The following AP4S1 variants were observed in gnomAD, a reference collection of about 807,000 sequenced individuals.
AP4S1 encodes adaptor related protein complex 4 subunit sigma 1.
AP4S1 carries 23 observed loss-of-function variants against 19.8 expected under a neutral mutation model. That is an observed-to-expected ratio of 1.16 (90% CI 0.84 to 1.65). AP4S1 has a LOEUF of 1.65. AP4S1 is among the 40% of genes most tolerant of loss of function. The pLI is 0.00. For missense variants in AP4S1, 166 were observed against 172.8 expected (o/e 0.96, Z 0.22); for synonymous variants, 46 against 54.1 (o/e 0.85, Z 0.66).
intron 5 of AP4S1, among the ~76,000 whole-genome samples, chr14:31,090,200 G>C (rs1888040291): frequency 6.6e-6 from 1 of 152,048 alleles, no homozygotes. Context: ...TGGCCAGGCT[G>C]GTCTCGATCT....
intron 1 of AP4S1, among the ~76,000 whole-genome samples, chr14:31,035,193 C>CTTTTTT (rs11393950): frequency 7.7e-5 from 8 of 103,656 alleles, no homozygotes; most frequent in East Asian, 2.9e-4. Flanking sequence ...ATGGTAATTC[C>CTTTTTT]TTTTTTTTTT....
chr14:31,059,144 G>A (rs1355370017), intron 1 of AP4S1, among the ~76,000 whole-genome samples: 1 of 152,080 alleles, frequency 6.6e-6, no homozygotes, highest in Non-Finnish European at 1.5e-5. Context: ...TTACAGTTGT[G>A]TTTCTCTAGT....
intron 1 of AP4S1, among the ~76,000 whole-genome samples, chr14:31,062,579 G>A (rs1886497926): frequency 6.6e-6 from 1 of 152,160 alleles, no homozygotes; most frequent in Admixed American, 6.6e-5. Context: ...ATTCTCAGAG[G>A]GGTCTGTGTT....
intron 5 of AP4S1, among the ~76,000 whole-genome samples, chr14:31,087,212 T>C (rs1211411890): frequency 2.0e-5 from 3 of 152,000 alleles, no homozygotes; most frequent in African/African-American, 7.3e-5. Context: ...ACTTTTTAGA[T>C]AAAAAGGCTG....
intron 4 of AP4S1, among the ~76,000 whole-genome samples, chr14:31,079,606 C>T (rs1280742623): frequency 6.6e-6 from 1 of 152,088 alleles, no homozygotes; most frequent in Non-Finnish European, 1.5e-5. Context: ...AGGTGGATTG[C>T]TTGAGCTCAG....
At chr14:31,041,227 G>A (rs924140748) in intron 1 of AP4S1, among the ~76,000 whole-genome samples, 2 of 151,946 alleles carry the variant, frequency 1.3e-5, no homozygotes, top group Non-Finnish European at 2.9e-5. Context: ...TCTGCTCACT[G>A]CAACCTCCAC....
In AP4S1 at chr14:31,072,968, C is replaced by A. The variant is rs200440467; in HGVS notation, c.289C>A (p.Arg97=). 3 of 1,613,464 alleles carry A rather than the reference C, an allele frequency of 1.9e-6. No homozygotes were observed. Among genetic ancestry groups the A allele is most frequent in the Admixed American group, 1.7e-5 (1 of 60,006 alleles). Residue 97 remains arginine (R), a synonymous_variant, in exon 4 of 6, where the codon CGA becomes AGA. Coordinates refer to ENST00000542754, the MANE Select transcript of AP4S1 (RefSeq NM_001128126.3). ...FVEVLDEYFS[R]VSELDIMFNL... Reference sequence around the variant, plus strand: ...GGAAGTTTTAGATGAGTATTTCAGCCGAGTGGTAAGTCTAATGGCTAAAAA... The same window carrying A: ...GGAAGTTTTAGATGAGTATTTCAGCAGAGTGGTAAGTCTAATGGCTAAAAA...
chr14:31,039,566 AGTTTT>A (rs1366473442), intron 1 of AP4S1, among the ~76,000 whole-genome samples: 1 of 123,232 alleles, frequency 8.1e-6, no homozygotes, highest in Non-Finnish European at 1.8e-5. Context: ...CAATAGGTGT[AGTTTT>A]GTTTTTTTTT....
intron 1 of AP4S1, among the ~76,000 whole-genome samples, chr14:31,054,883 A>AAC (rs1322866014): frequency 6.8e-6 from 1 of 148,120 alleles, no homozygotes; most frequent in Non-Finnish European, 1.5e-5. Flanking sequence ...AAAAAAAAAA[A>AAC]AAAAAAAAAA....
At chr14:31,042,900 G>A (rs1015524607) in intron 1 of AP4S1, among the ~76,000 whole-genome samples, 46 of 152,116 alleles carry the variant, frequency 3.0e-4, no homozygotes, top group Non-Finnish European at 2.8e-4. Context: ...AGATCTGAGA[G>A]CCATATGAAG....
chr14:31,080,950 C>T (rs1175136934), intron 5 of AP4S1, among the ~76,000 whole-genome samples: 2 of 152,108 alleles, frequency 1.3e-5, no homozygotes, highest in African/African-American at 4.8e-5. Flanking sequence ...CACCACCACG[C>T]CCAGCTAATG....
At chr14:31,030,193 G>T (rs908437424) in intron 1 of AP4S1, among the ~76,000 whole-genome samples, 5 of 152,000 alleles carry the variant, frequency 3.3e-5, no homozygotes, top group African/African-American at 7.3e-5. Flanking sequence ...TCGCCATGTT[G>T]CACAGGCTGG....
At chr14:31,027,997 G>T (rs1375805391) in intron 1 of AP4S1, among the ~76,000 whole-genome samples, 1 of 152,088 alleles carries the variant, frequency 6.6e-6, no homozygotes, top group African/African-American at 2.4e-5. Flanking sequence ...CAATCAGGAA[G>T]TAATTTCAAA....
chr14:31,069,726 ATAT>A, intron 2 of AP4S1, 114 bp from the exon 3 acceptor site: 2 of 835,630 alleles, frequency 2.4e-6, no homozygotes, highest in Non-Finnish European at 2.1e-6. Flanking sequence ...TAACATCTTA[ATAT>A]TCTATATTTC....
intron 1 of AP4S1, among the ~76,000 whole-genome samples, chr14:31,027,618 C>T (rs1415086843): frequency 6.6e-6 from 1 of 152,164 alleles, no homozygotes; most frequent in Non-Finnish European, 1.5e-5. Context: ...GCCGAGATCG[C>T]ACCACTGCAC....
At chr14:31,037,022 C>T (rs1360892029) in intron 1 of AP4S1, among the ~76,000 whole-genome samples, 6 of 151,824 alleles carry the variant, frequency 4.0e-5, no homozygotes, top group African/African-American at 1.5e-4. Context: ...CCATCTTGGC[C>T]AGGATGGTCT....
At chr14:31,076,896 A>G (rs752080221) in intron 4 of AP4S1, among the ~76,000 whole-genome samples, 1 of 152,188 alleles carries the variant, frequency 6.6e-6, no homozygotes, top group East Asian at 1.9e-4. Context: ...TTAGTTAGAC[A>G]TTCTTGAGAA....
chr14:31,044,871 G>A (rs919227166), intron 1 of AP4S1, among the ~76,000 whole-genome samples: 1 of 151,786 alleles, frequency 6.6e-6, no homozygotes, highest in Non-Finnish European at 1.5e-5. Flanking sequence ...AGACATGACA[G>A]TATATTCTTT....
intron 1 of AP4S1, among the ~76,000 whole-genome samples, chr14:31,035,384 G>T (rs1304701576): frequency 1.1e-5 from 1 of 92,816 alleles, no homozygotes; most frequent in Admixed American, 1.0e-4. Flanking sequence ...TAGTAGAGAT[G>T]GGGTTTCACC....
Sources: allele counts gnomAD v4.1 joint callset (sites outside exome capture counted in the v4.1 genomes callset), GRCh38; gene constraint gnomAD v4.1.1; transcripts MANE v1.5; gene names NCBI Gene and HGNC (gene_info 2026-07-23, HGNC 2026-07-21).